The following SOX5 variants were observed in gnomAD, a reference collection of about 807,000 sequenced individuals.
The protein encoded by SOX5 is transcription factor SOX-5.
A neutral mutation model predicts 92.0 loss-of-function variants in SOX5; 9 were observed. The ratio of observed to expected loss-of-function variants is 0.10; its 90% CI spans 0.06 to 0.17. The LOEUF is 0.17. SOX5 is among the 10% of genes least tolerant of loss of function. The pLI, the probability that SOX5 is intolerant of heterozygous loss-of-function variation, is 1.00. For synonymous variants in SOX5, 344 were observed against 336.3 expected (o/e 1.02, Z -0.25); for missense variants, 642 against 944.5 (o/e 0.68, Z 4.20).
chr12:24,175,654 T>A (rs1954727532), intron 4 of SOX5, among the ~76,000 whole-genome samples: 1 of 152,302 alleles, frequency 6.6e-6, no homozygotes, highest in South Asian at 2.1e-4. Context: ...TCTATATACC[T>A]CTATCCATAT....
chr12:23,907,809 T>G (rs1338303242), intron 1 of SOX5, among the ~76,000 whole-genome samples: 1 of 152,130 alleles, frequency 6.6e-6, no homozygotes, highest in East Asian at 1.9e-4. Flanking sequence ...TACTGCATCC[T>G]CTATAAAAAA....
intron 4 of SOX5, among the ~76,000 whole-genome samples, chr12:24,149,647 C>T (rs1047022521): frequency 6.6e-6 from 1 of 152,118 alleles, no homozygotes; most frequent in African/African-American, 2.4e-5. Flanking sequence ...CCCTATGATC[C>T]AGTCATTCCC....
intron 11 of SOX5, among the ~76,000 whole-genome samples, chr12:23,561,408 T>C (rs950782988): frequency 6.6e-6 from 1 of 152,198 alleles, no homozygotes; most frequent in African/African-American, 2.4e-5. Context: ...GCAGAGTCAC[T>C]GAAGCCAGCA....
intron 2 of SOX5, among the ~76,000 whole-genome samples, chr12:24,323,185 A>AG (rs143652542): frequency 7.2e-4 from 109 of 152,108 alleles, no homozygotes; most frequent in African/African-American, 2.6e-3. Flanking sequence ...ATTTTGATGT[A>AG]CCATTGTGGT....
At chr12:23,922,907 A>G (rs1938757765) in intron 1 of SOX5, among the ~76,000 whole-genome samples, 1 of 151,712 alleles carries the variant, frequency 6.6e-6, no homozygotes, top group Non-Finnish European at 1.5e-5. Flanking sequence ...TCCCAGAGGG[A>G]GTACACGACT....
chr12:24,428,792 A>G (rs1486086252), intron 1 of SOX5, among the ~76,000 whole-genome samples: 1 of 144,454 alleles, frequency 6.9e-6, no homozygotes, highest in Non-Finnish European at 1.5e-5. Flanking sequence ...AGGTCTTATA[A>G]GTTCAGAAAC....
At chr12:24,112,160 A>C (rs1033720781) in intron 4 of SOX5, among the ~76,000 whole-genome samples, 3 of 152,224 alleles carry the variant, frequency 2.0e-5, no homozygotes, top group African/African-American at 7.2e-5. Context: ...TGCTATTGGA[A>C]TGGATAAAAA....
intron 1 of SOX5, among the ~76,000 whole-genome samples, chr12:24,468,455 T>C (rs1242159783): frequency 2.6e-5 from 4 of 152,198 alleles, no homozygotes; most frequent in African/African-American, 9.7e-5. Flanking sequence ...CTAGGTTTTA[T>C]AGATGTGACT....
At chr12:23,804,897 T>C (rs1169724571) in intron 3 of SOX5, among the ~76,000 whole-genome samples, 1 of 142,174 alleles carries the variant, frequency 7.0e-6, no homozygotes, top group Non-Finnish European at 1.5e-5. Flanking sequence ...ACATTTTCTC[T>C]ATTTACCTAT....
At chr12:23,845,194 T>C (rs1042962444) in intron 3 of SOX5, among the ~76,000 whole-genome samples, 1 of 152,234 alleles carries the variant, frequency 6.6e-6, no homozygotes, top group Non-Finnish European at 1.5e-5. Context: ...CATTGTTTAT[T>C]TGTTTTAAAT....
chr12:23,713,705 A>C (rs2092263002), intron 6 of SOX5, among the ~76,000 whole-genome samples: 2 of 147,278 alleles, frequency 1.4e-5, no homozygotes, highest in African/African-American at 5.0e-5. Context: ...GAATATATAT[A>C]AATATATATA....
In SOX5 at chr12:23,807,890, T is replaced by C. The variant is rs12424825; in HGVS notation, c.481+38093A>G. ...CTTGAACTCTTGACCTCAAGTGATC[T>C]GCCCGCCTCGGCCTCACAAAGCGTT... On this transcript the variant is annotated intron_variant, in intron 3 of 14. Coordinates refer to ENST00000451604, the MANE Select transcript of SOX5 (RefSeq NM_006940.6). Among the ~76,000 whole-genome samples the C allele has an allele frequency of 2.7e-3, 410 of 152,116 alleles. 5 individuals carry two copies. Among genetic ancestry groups the C allele is most frequent in the Admixed American group, 0.025 (383 of 15,268 alleles).
chr12:24,360,373 T>C (rs1955403218), intron 2 of SOX5, among the ~76,000 whole-genome samples: 1 of 152,202 alleles, frequency 6.6e-6, no homozygotes, highest in Non-Finnish European at 1.5e-5. Context: ...TCATCATTCT[T>C]ATTTGATGAA....
intron 4 of SOX5, among the ~76,000 whole-genome samples, chr12:24,148,688 TAAAAA>T (rs398018872): frequency 0.046 from 3,248 of 70,978 alleles, 71 homozygotes; most frequent in South Asian, 0.096. Flanking sequence ...CCATCTCTAC[TAAAAA>T]AAAAAAAAAA....
intron 3 of SOX5, among the ~76,000 whole-genome samples, chr12:24,241,088 G>A (rs1006533347): frequency 6.9e-6 from 1 of 145,096 alleles, no homozygotes; most frequent in Non-Finnish European, 1.5e-5. Context: ...GAGTAGAGAA[G>A]GCCTAAGCTT....
At chr12:23,863,004 T>G (rs975035844) in intron 2 of SOX5, among the ~76,000 whole-genome samples, 4 of 152,144 alleles carry the variant, frequency 2.6e-5, no homozygotes, top group African/African-American at 9.6e-5. Context: ...GTAGACAGGA[T>G]AAGAATTTGA....
chr12:23,715,742 G>C (rs1021322325), intron 6 of SOX5, among the ~76,000 whole-genome samples: 1 of 141,344 alleles, frequency 7.1e-6, no homozygotes, highest in Non-Finnish European at 1.5e-5. Context: ...AATATGAGTG[G>C]TAACACATGC....
Position 23,894,346 on chromosome 12 carries a change from A to G in SOX5, c.270+1447T>C, listed in dbSNP as rs1473164415. 3.3e-5 allele frequency among the ~76,000 whole-genome samples: 5 copies of G among 152,002 alleles called. No individual in the cohort carries two copies. In the East Asian group the frequency reaches 9.6e-4, roughly 29 times the overall value. On this transcript the variant is annotated intron_variant, in intron 2 of 14. Transcript: ENST00000451604. The stretch of plus-strand genomic sequence containing the variant: ...GGGTTCAAGCGATTCTCCTGCATCA[A>G]CTTCCCACGTAGCTGGGATTACAGG...
intron 4 of SOX5, among the ~76,000 whole-genome samples, chr12:24,143,131 T>C (rs2138691446): frequency 6.6e-6 from 1 of 152,316 alleles, no homozygotes; most frequent in Non-Finnish European, 1.5e-5. Context: ...AGCTCTGGAA[T>C]AAATGCTATT....
Sources: gnomAD v4.1 joint callset for allele counts (sites outside exome capture counted in the v4.1 genomes callset) on GRCh38, gnomAD v4.1.1 for gene constraint, MANE v1.5 for transcripts, NCBI Gene and HGNC (gene_info 2026-07-23, HGNC 2026-07-21) for gene names.